The following ZFAND3 variants were observed in gnomAD, a reference collection of about 807,000 sequenced individuals.
ZFAND3 encodes zinc finger AN1-type containing 3.
In ZFAND3, 10 loss-of-function variants were observed where a neutral mutation model predicts 29.6. That is an observed-to-expected ratio of 0.34 (90% CI 0.21 to 0.57). The LOEUF (loss-of-function observed/expected upper bound fraction) is 0.57, where lower values mean the gene tolerates loss of function less well. ZFAND3 is among the 20% of genes least tolerant of loss of function. The pLI, the probability that ZFAND3 is intolerant of heterozygous loss-of-function variation, is 0.86. For missense variants in ZFAND3, 230 were observed against 304.5 expected, an observed-to-expected ratio of 0.76 and a Z score of 1.82; for synonymous variants, 128 against 112.6, an observed-to-expected ratio of 1.14 and a Z score of -0.87.
intron 1 of ZFAND3, among the ~76,000 whole-genome samples, chr6:37,918,458 A>G (rs1388588885): frequency 2.6e-5 from 4 of 152,126 alleles, no homozygotes; most frequent in Admixed American, 6.6e-5. Flanking sequence ...CTTCCTTGCT[A>G]GCCTGTTTAA....
chr6:38,000,998 T>TTC (rs1216795204), intron 2 of ZFAND3, among the ~76,000 whole-genome samples: 1 of 152,178 alleles, frequency 6.6e-6, no homozygotes, highest in African/African-American at 2.4e-5. Flanking sequence ...GCACTGGACC[T>TTC]TCCTCTGATG....
intron 3 of ZFAND3, among the ~76,000 whole-genome samples, chr6:38,063,719 G>T (rs183074631): frequency 1.3e-5 from 2 of 152,192 alleles, no homozygotes; most frequent in Admixed American, 6.5e-5. Flanking sequence ...AAGGCTGGAA[G>T]GGTAAGTTGT....
chr6:37,873,330 TC>T (rs1007715433), intron 1 of ZFAND3, among the ~76,000 whole-genome samples: 2 of 152,242 alleles, frequency 1.3e-5, no homozygotes, highest in Non-Finnish European at 2.9e-5. Flanking sequence ...AATCATTCTT[TC>T]TGTGTGCTAC....
intron 1 of ZFAND3, among the ~76,000 whole-genome samples, chr6:37,826,973 A>G (rs1245886418): frequency 6.6e-6 from 1 of 152,194 alleles, no homozygotes; most frequent in Non-Finnish European, 1.5e-5. Context: ...TCATCCTTCA[A>G]GAAAGTTATG....
chr6:37,969,758 T>C (rs990802922), intron 2 of ZFAND3, among the ~76,000 whole-genome samples: 1 of 152,192 alleles, frequency 6.6e-6, no homozygotes. Flanking sequence ...AAATTTGCTT[T>C]AATTTTTTTT....
chr6:38,140,716 C>G (rs1463352729), intron 5 of ZFAND3, among the ~76,000 whole-genome samples: 1 of 152,004 alleles, frequency 6.6e-6, no homozygotes, highest in Non-Finnish European at 1.5e-5. Context: ...CATATCTGAG[C>G]CCCCTCTCCT....
chr6:38,133,520 C>A (rs1242615554), intron 5 of ZFAND3, among the ~76,000 whole-genome samples: 3 of 152,050 alleles, frequency 2.0e-5, no homozygotes, highest in Admixed American at 6.5e-5. Flanking sequence ...GAGGCCGAGG[C>A]GGGCGGATCA....
intron 1 of ZFAND3, among the ~76,000 whole-genome samples, chr6:37,890,332 A>G (rs532689754): frequency 7.2e-4 from 109 of 151,946 alleles, no homozygotes; most frequent in South Asian, 1.0e-3. Context: ...TACATGAGTG[A>G]TCCCCGATTG....
At position 37,912,010 on chromosome 6, in the gene ZFAND3, G is replaced by A. The variant is rs1045832058; in HGVS notation, c.72-17949G>A. On this transcript the variant is annotated intron_variant, in intron 1 of 5. Coordinates refer to ENST00000287218, the MANE Select transcript of ZFAND3 (RefSeq NM_021943.3). ...AATGTAGGTTGGTTGCTATGGATCT[G>A]TCTTCTGCCAGTCTTTTATCTGTGT... Among the ~76,000 whole-genome samples, 186 of 148,854 alleles carry A rather than the reference G, an allele frequency of 1.2e-3. 1 individual carries two copies. Among genetic ancestry groups the A allele is most frequent in the African/African-American group, 1.6e-3 (65 of 40,094 alleles).
At chr6:37,865,222 G>A (rs1764567927) in intron 1 of ZFAND3, among the ~76,000 whole-genome samples, 1 of 152,080 alleles carries the variant, frequency 6.6e-6, no homozygotes, top group African/African-American at 2.4e-5. Context: ...ATAAACTTGC[G>A]TACATCATCC....
chr6:37,913,048 A>C (rs1301101742), intron 1 of ZFAND3, among the ~76,000 whole-genome samples: 1 of 152,248 alleles, frequency 6.6e-6, no homozygotes, highest in Non-Finnish European at 1.5e-5. Flanking sequence ...AAATCTGCTA[A>C]CAATCATCCA....
intron 4 of ZFAND3, among the ~76,000 whole-genome samples, chr6:38,110,552 A>G (rs756738064): frequency 2.0e-5 from 3 of 152,274 alleles, no homozygotes; most frequent in East Asian, 3.9e-4. Flanking sequence ...TCGAAGGAGA[A>G]ACAGCAGTGA....
At chr6:37,967,006 T>A (rs1467132289) in intron 2 of ZFAND3, among the ~76,000 whole-genome samples, 1 of 152,236 alleles carries the variant, frequency 6.6e-6, no homozygotes, top group Non-Finnish European at 1.5e-5. Context: ...TTGTTCTCAT[T>A]GTACTCTGTT....
chr6:38,080,840 T>G (rs1764647409), intron 3 of ZFAND3, among the ~76,000 whole-genome samples: 1 of 152,218 alleles, frequency 6.6e-6, no homozygotes, highest in African/African-American at 2.4e-5. Flanking sequence ...TCTTGTTCCC[T>G]GTTTTCATGT....
intron 3 of ZFAND3, among the ~76,000 whole-genome samples, chr6:38,072,156 C>G (rs139156417): frequency 4.2e-5 from 6 of 143,624 alleles, no homozygotes; most frequent in East Asian, 4.2e-4. Context: ...CTCTCTCTCT[C>G]TCTCTGTCTC....
chr6:37,886,280 A>AAAAAAAAAAAAAAC (rs1561922411), intron 1 of ZFAND3, among the ~76,000 whole-genome samples: 12 of 128,928 alleles, frequency 9.3e-5, no homozygotes, highest in African/African-American at 3.6e-4. Flanking sequence ...AAAAAAAAAA[A>AAAAAAAAAAAAAAC]AGTTCAAAGA....
chr6:38,075,185 G>C (rs1764528869), intron 3 of ZFAND3, among the ~76,000 whole-genome samples: 1 of 152,124 alleles, frequency 6.6e-6, no homozygotes, highest in Non-Finnish European at 1.5e-5. Context: ...CATTTTACAA[G>C]GCTATAGCTG....
chr6:38,134,806 G>A (rs1004404050), intron 5 of ZFAND3, among the ~76,000 whole-genome samples: 1 of 152,212 alleles, frequency 6.6e-6, no homozygotes, highest in Non-Finnish European at 1.5e-5. Flanking sequence ...ACATTTTGCT[G>A]TCTTGTTGCC....
intron 5 of ZFAND3, 94 bp from the exon 6 acceptor site, chr6:38,152,141 C>A: frequency 8.3e-7 from 1 of 1,204,210 alleles, no homozygotes; most frequent in Non-Finnish European, 1.1e-6. Context: ...CACTGGGATG[C>A]CCCTCCATCC....
Sources: gnomAD v4.1 joint callset for allele counts (sites outside exome capture counted in the v4.1 genomes callset) on GRCh38, gnomAD v4.1.1 for gene constraint, MANE v1.5 for transcripts, NCBI Gene and HGNC (gene_info 2026-07-23, HGNC 2026-07-21) for gene names.